Variants in BATF observed in about 807,000 individuals in gnomAD.
BATF encodes the protein basic leucine zipper ATF-like transcription factor, also known as basic leucine zipper transcriptional factor ATF-like.
BATF carries 5 observed loss-of-function variants against 13.7 expected under a neutral mutation model. That is an observed-to-expected ratio of 0.36 (90% CI 0.19 to 0.77). BATF has a LOEUF of 0.77. BATF is among the 30% of genes least tolerant of loss of function. BATF has a pLI of 0.51. For synonymous variants in BATF, 72 were observed against 67.5 expected (o/e 1.07, Z -0.33); for missense variants, 124 against 163.0 (o/e 0.76, Z 1.30).
chr14:75,529,893 T>G (rs1179589705), intron 2 of BATF, among the ~76,000 whole-genome samples: 1 of 151,738 alleles, frequency 6.6e-6, no homozygotes, highest in Non-Finnish European at 1.5e-5. Flanking sequence ...TGAAACCCCG[T>G]CTCTACTAAA....
intron 2 of BATF, among the ~76,000 whole-genome samples, chr14:75,525,698 GA>G (rs1887642841): frequency 6.6e-6 from 1 of 151,252 alleles, no homozygotes; most frequent in Non-Finnish European, 1.5e-5. Context: ...CTGTAGCAGG[GA>G]ATGGGCCAGG....
chr14:75,523,285 C>G (rs1459854103), intron 1 of BATF, among the ~76,000 whole-genome samples: 3 of 151,754 alleles, frequency 2.0e-5, no homozygotes, highest in Non-Finnish European at 2.9e-5. Context: ...ATAGAAGGAT[C>G]TCTCTACTGG....
chr14:75,537,207 C>T (rs1887833089), intron 2 of BATF, among the ~76,000 whole-genome samples: 1 of 152,186 alleles, frequency 6.6e-6, no homozygotes, highest in African/African-American at 2.4e-5. Context: ...AATTCTGCCA[C>T]TCCCACGCTG....
At chr14:75,527,777 T>C (rs1356242515) in intron 2 of BATF, among the ~76,000 whole-genome samples, 1 of 152,202 alleles carries the variant, frequency 6.6e-6, no homozygotes, top group African/African-American at 2.4e-5. Context: ...GTTCCAATCT[T>C]CCCCACATCT....
At chr14:75,537,834 A>T (rs967240051) in intron 2 of BATF, among the ~76,000 whole-genome samples, 2 of 151,998 alleles carry the variant, frequency 1.3e-5, no homozygotes, top group Admixed American at 6.6e-5. Context: ...AAATATGTAA[A>T]AATATAAACT....
chr14:75,543,280 T>A (rs1321087581), intron 2 of BATF, among the ~76,000 whole-genome samples: 1 of 152,188 alleles, frequency 6.6e-6, no homozygotes, highest in African/African-American at 2.4e-5. Context: ...TCTTGATAAC[T>A]CCTCTGCCCC....
At chr14:75,542,481 T>C (rs997466019) in intron 2 of BATF, among the ~76,000 whole-genome samples, 1 of 152,256 alleles carries the variant, frequency 6.6e-6, no homozygotes, top group Admixed American at 6.5e-5. Flanking sequence ...GTCACTGTTG[T>C]ACCTCTGGAT....
intron 2 of BATF, among the ~76,000 whole-genome samples, chr14:75,538,242 A>C (rs986770183): frequency 1.3e-5 from 2 of 152,200 alleles, no homozygotes; most frequent in African/African-American, 4.8e-5. Context: ...GATTACAGCA[A>C]CTGCACCTGG....
rs539112086 is a variant in BATF, at chr14:75,535,633, G to A, written c.168+10445G>A. Among the ~76,000 whole-genome samples the A allele has an allele frequency of 6.6e-5, 10 of 152,248 alleles. No individual in the cohort carries two copies. The South Asian group carries it at 2.1e-3, about 32-fold the overall frequency. ...TTACTGAGCTCGAATTTGGGGATCA[G>A]GTTTTGGTAGGAGACCTTATAATTT... On this transcript the variant is annotated intron_variant, in intron 2 of 2. Coordinates refer to ENST00000286639, the MANE Select transcript of BATF (RefSeq NM_006399.5).
intron 2 of BATF, among the ~76,000 whole-genome samples, chr14:75,544,676 C>T (rs1887955569): frequency 6.6e-6 from 1 of 151,530 alleles, no homozygotes; most frequent in South Asian, 2.1e-4. Flanking sequence ...CTATTCTTAA[C>T]AAGCCTTCAA....
At chr14:75,536,762 G>A (rs371234863) in intron 2 of BATF, among the ~76,000 whole-genome samples, 1 of 17,460 alleles carries the variant, frequency 5.7e-5, no homozygotes, top group Admixed American at 5.0e-4. Flanking sequence ...ATAAAATAAA[G>A]GCAATTGTGC....
At chr14:75,540,876 A>G (rs1887886123) in intron 2 of BATF, among the ~76,000 whole-genome samples, 1 of 152,214 alleles carries the variant, frequency 6.6e-6, no homozygotes, top group Non-Finnish European at 1.5e-5. Context: ...ACTTGCGGTC[A>G]GAAGTTCAAA....
At chr14:75,525,812 G>A (rs1160833729) in intron 2 of BATF, among the ~76,000 whole-genome samples, 1 of 131,410 alleles carries the variant, frequency 7.6e-6, no homozygotes, top group Non-Finnish European at 1.5e-5. Flanking sequence ...AAGTGCTTTG[G>A]GGACGGCCCA....
rs912234308 is a variant in BATF, at chr14:75,546,861, G to A, written c.*190G>A. ...GCAGTGCCGCAGCGTTTCGAGGGGC[G>A]TGTGCTGGACCCCACCACTGTGGGT... is the stretch of plus-strand genomic sequence containing the variant. On this transcript the variant is annotated 3_prime_UTR_variant, in exon 3 of 3. Transcript: ENST00000286639. The A allele has an allele frequency of 7.4e-6, 6 of 815,580 alleles. No individual in the cohort carries two copies. The highest frequency in any genetic ancestry group is 1.0e-5 in the Non-Finnish European group (5 of 489,262). 50.5% of individuals were successfully genotyped at this position (815,580 alleles called of 1,614,324 possible).
Position 75,522,697 on chromosome 14 carries a change from C to G in BATF, c.15C>G (p.Ser5=). The change falls in exon 1 of 3, where the codon TCC becomes TCG. Residue 5 remains serine, a synonymous_variant. Transcript: ENST00000286639. ...AGATTTCAGCCATGCCTCACAGCTC[C>G]GACAGCAGTGACTCCAGCTTCAGCC... MPHS[S]DSSDSSFSRS... 1 of 1,614,112 alleles carries G rather than the reference C, an allele frequency of 6.2e-7. No individual in the cohort carries two copies. The highest frequency in any genetic ancestry group is 8.5e-7 in the Non-Finnish European group (1 of 1,180,010).
intron 2 of BATF, among the ~76,000 whole-genome samples, chr14:75,538,936 C>T (rs547092641): frequency 2.0e-5 from 3 of 152,312 alleles, no homozygotes; most frequent in African/African-American, 4.8e-5. Flanking sequence ...ACTATTCAAA[C>T]CCTTGCTTTG....
chr14:75,544,662 A>T (rs186093837), intron 2 of BATF, among the ~76,000 whole-genome samples: 1 of 152,242 alleles, frequency 6.6e-6, no homozygotes, highest in Non-Finnish European at 1.5e-5. Context: ...ATGGGCCTGA[A>T]ATTCTATTCT....
intron 2 of BATF, among the ~76,000 whole-genome samples, chr14:75,545,375 C>T (rs937917281): frequency 1.3e-5 from 2 of 148,952 alleles, no homozygotes; most frequent in Admixed American, 6.8e-5. Flanking sequence ...GTGTGCACCA[C>T]CACGCCTGGT....
intron 2 of BATF, among the ~76,000 whole-genome samples, chr14:75,537,605 A>G (rs886620725): frequency 6.6e-6 from 1 of 152,212 alleles, no homozygotes; most frequent in Non-Finnish European, 1.5e-5. Flanking sequence ...TAATTAATGA[A>G]ACACGAATAG....
Sources: allele counts gnomAD v4.1 joint callset (sites outside exome capture counted in the v4.1 genomes callset), GRCh38; gene constraint gnomAD v4.1.1; transcripts MANE v1.5; gene names NCBI Gene and HGNC (gene_info 2026-07-23, HGNC 2026-07-21).